The following HCRTR2 variants were observed in gnomAD, a reference collection of about 807,000 sequenced individuals.
HCRTR2 encodes orexin receptor type 2.
Under a neutral mutation model 49.0 loss-of-function variants are expected in HCRTR2, and 22 were observed. The ratio of observed to expected loss-of-function variants is 0.45; its 90% CI spans 0.32 to 0.64. HCRTR2 has a LOEUF of 0.64. HCRTR2 is among the 30% of genes least tolerant of loss of function. HCRTR2 has a pLI of 0.04. For synonymous variants in HCRTR2, 236 were observed against 205.3 expected (o/e 1.15, Z -1.28); for missense variants, 491 against 559.4 (o/e 0.88, Z 1.23).
At chr6:55,158,546 G>C (rs1365909853) in intron 1 of HCRTR2, among the ~76,000 whole-genome samples, 1 of 152,202 alleles carries the variant, frequency 6.6e-6, no homozygotes, top group Non-Finnish European at 1.5e-5. Flanking sequence ...AGTAAGCTAA[G>C]ATCCACTGGC....
chr6:55,280,468 T>C, intron 6 of HCRTR2, 24 bp downstream of exon 6: 2 of 1,610,840 alleles, frequency 1.2e-6, no homozygotes, highest in Non-Finnish European at 1.7e-6. Flanking sequence ...TGTTCTTCCA[T>C]AAGCCACAAT....
At chr6:55,240,641 C>T (rs1409396384) in intron 1 of HCRTR2, 1 of 207,664 alleles carries the variant, frequency 4.8e-6, no homozygotes, top group Non-Finnish European at 1.0e-5. Flanking sequence ...AATGCCGTAA[C>T]AGTGTGATGG....
chr6:55,266,916 C>T lies in HCRTR2; in HGVS notation c.762+3094C>T, dbSNP rs934355570. On this transcript the variant is annotated intron_variant, in intron 4 of 6. Transcript: ENST00000370862. Reference sequence around the variant, plus strand: ...TTTAAAATAAATTGCATCACAGATTCATAAATAATCCACATTCTTTTCATG... The same window carrying T: ...TTTAAAATAAATTGCATCACAGATTTATAAATAATCCACATTCTTTTCATG... Among the ~76,000 whole-genome samples the T allele has an allele frequency of 3.9e-5, 6 of 152,236 alleles. 1 individual carries two copies. The highest frequency in any genetic ancestry group is 3.9e-4 in the Admixed American group (6 of 15,290).
chr6:55,263,524 C>T (rs1484916412), intron 3 of HCRTR2, among the ~76,000 whole-genome samples, 183 bp from the exon 4 acceptor site: 1 of 151,930 alleles, frequency 6.6e-6, no homozygotes, highest in East Asian at 1.9e-4. Flanking sequence ...ATGTGTATAC[C>T]CATATACTGA....
At chr6:55,282,829 T>C (rs959719762), downstream of HCRTR2, among the ~76,000 whole-genome samples, 30 of 152,142 alleles carry the variant, frequency 2.0e-4, no homozygotes, top group African/African-American at 7.2e-4. Flanking sequence ...TTTTTTTTGC[T>C]ACTAAAAGAA....
At chr6:55,125,521 C>A (rs1207462381) in intron 1 of HCRTR2, among the ~76,000 whole-genome samples, 1 of 152,158 alleles carries the variant, frequency 6.6e-6, no homozygotes, top group Non-Finnish European at 1.5e-5. Flanking sequence ...GGTAACCCGA[C>A]CTTTCTCTCT....
chr6:55,194,879 T>C (rs554679894), intron 1 of HCRTR2, among the ~76,000 whole-genome samples: 1 of 114,456 alleles, frequency 8.7e-6, no homozygotes, highest in African/African-American at 2.6e-5. Flanking sequence ...TGTATTGTTA[T>C]AAAACAACAC....
chr6:55,147,185 A>G (rs1191925750), intron 1 of HCRTR2, among the ~76,000 whole-genome samples: 1 of 152,130 alleles, frequency 6.6e-6, no homozygotes, highest in Non-Finnish European at 1.5e-5. Flanking sequence ...AATACAAAAT[A>G]TAGCTATTTT....
chr6:55,139,444 A>G (rs1581791128), intron 1 of HCRTR2, among the ~76,000 whole-genome samples: 1 of 152,150 alleles, frequency 6.6e-6, no homozygotes, highest in East Asian at 1.9e-4. Context: ...TTGATATACT[A>G]AATTAACTGA....
At chr6:55,266,417 A>C (rs1766861598) in intron 4 of HCRTR2, among the ~76,000 whole-genome samples, 1 of 152,172 alleles carries the variant, frequency 6.6e-6, no homozygotes, top group South Asian at 2.1e-4. Context: ...AAGTTTAGAG[A>C]GGACATAGAG....
chr6:55,124,602 A>C (rs1350360268), intron 1 of HCRTR2, among the ~76,000 whole-genome samples: 1 of 152,152 alleles, frequency 6.6e-6, no homozygotes. Context: ...TTTGGGGTGG[A>C]GAGTTCTGTA....
rs1764712029 is a variant in HCRTR2, at chr6:55,154,999, A to T, written c.-377-19212A>T. ...ATTACAATAGCATCATAAATAATAA[A>T]TCTTAAGAACAAATTTAACCAAGGA... On this transcript the variant is annotated intron_variant, in intron 1 of 7. Coordinates refer to the HCRTR2 transcript ENST00000615358. Among the ~76,000 whole-genome samples, 3 of 151,798 alleles carry T rather than the reference A, an allele frequency of 2.0e-5. No individual in the cohort carries two copies. In the South Asian group the frequency reaches 6.2e-4, roughly 31 times the overall value.
chr6:55,133,197 A>G (rs995042333), intron 1 of HCRTR2, among the ~76,000 whole-genome samples: 1 of 151,778 alleles, frequency 6.6e-6, no homozygotes, highest in African/African-American at 2.4e-5. Context: ...AATTTTTTTT[A>G]CCTCGGTACA....
chr6:55,227,782 A>G (rs1766038133), intron 1 of HCRTR2, among the ~76,000 whole-genome samples: 2 of 152,180 alleles, frequency 1.3e-5, no homozygotes, highest in South Asian at 4.1e-4. Flanking sequence ...TCTACTGTGA[A>G]CAAAGCAAAA....
intron 1 of HCRTR2, among the ~76,000 whole-genome samples, chr6:55,111,511 A>C (rs1483531307): frequency 6.6e-6 from 1 of 152,100 alleles, no homozygotes; most frequent in African/African-American, 2.4e-5. Context: ...ATTCAAGGGT[A>C]CTATGAACAC....
At chr6:55,262,552 A>C (rs1437957926) in intron 3 of HCRTR2, among the ~76,000 whole-genome samples, 1 of 131,194 alleles carries the variant, frequency 7.6e-6, no homozygotes, top group Non-Finnish European at 1.6e-5. Context: ...AATATAACTT[A>C]TTATATATTA....
chr6:55,198,153 A>G (rs1369288655), intron 1 of HCRTR2, among the ~76,000 whole-genome samples: 2 of 152,092 alleles, frequency 1.3e-5, no homozygotes, highest in African/African-American at 4.8e-5. Flanking sequence ...CCCTAAGCCC[A>G]ATCCTATCAG....
At chr6:55,162,646 G>C (rs1026479265) in intron 1 of HCRTR2, among the ~76,000 whole-genome samples, 1 of 152,136 alleles carries the variant, frequency 6.6e-6, no homozygotes, top group Non-Finnish European at 1.5e-5. Flanking sequence ...AAAGTCTCAG[G>C]ATACAAAATC....
chr6:55,107,996 T>A (rs1763998467), intron 1 of HCRTR2, among the ~76,000 whole-genome samples: 1 of 152,158 alleles, frequency 6.6e-6, no homozygotes, highest in Admixed American at 6.6e-5. Flanking sequence ...GTTGAAAATA[T>A]AATAGCACTA....
Sources: allele counts gnomAD v4.1 joint callset (sites outside exome capture counted in the v4.1 genomes callset), GRCh38; gene constraint gnomAD v4.1.1; transcripts MANE v1.5; gene names NCBI Gene and HGNC (gene_info 2026-07-23, HGNC 2026-07-21).